The following DLC1 variants were observed in gnomAD, a reference collection of about 807,000 sequenced individuals.
The protein encoded by DLC1 is rho GTPase-activating protein 7.
A neutral mutation model predicts 140.3 loss-of-function variants in DLC1; 54 were observed. The observed-to-expected ratio is 0.38, with a 90% CI of 0.31 to 0.48. The LOEUF (loss-of-function observed/expected upper bound fraction) is 0.48. Among genes scored for constraint, DLC1 ranks in the 20% least tolerant of loss-of-function variants. DLC1 has a pLI of 0.96. For missense variants in DLC1, 2,536 were observed against 1,907.0 expected (o/e 1.33, Z -6.14); for synonymous variants, 986 against 728.1 (o/e 1.35, Z -5.70).
intron 2 of DLC1, among the ~76,000 whole-genome samples, chr8:13,464,813 G>C (rs1241926373): frequency 1.4e-5 from 2 of 141,684 alleles, no homozygotes; most frequent in Admixed American, 1.4e-4. Context: ...TAAGGTTTTA[G>C]TTAGTGCTGT....
At chr8:13,203,820 A>G (rs924061816) in intron 5 of DLC1, among the ~76,000 whole-genome samples, 4 of 152,222 alleles carry the variant, frequency 2.6e-5, no homozygotes, top group Non-Finnish European at 5.9e-5. Flanking sequence ...AATGGATGGA[A>G]AATACCATGA....
intron 2 of DLC1, among the ~76,000 whole-genome samples, chr8:13,450,300 T>A (rs1449267555): frequency 6.6e-6 from 1 of 150,946 alleles, no homozygotes; most frequent in East Asian, 2.0e-4. Flanking sequence ...ACTAAAAATA[T>A]AAAAATTAGC....
chr8:13,528,470 T>C (rs1802990121), intron 1 of DLC1, among the ~76,000 whole-genome samples: 1 of 152,180 alleles, frequency 6.6e-6, no homozygotes, highest in Admixed American at 6.6e-5. Flanking sequence ...TTGAAAGAGT[T>C]TGTAAAACAT....
intron 5 of DLC1, among the ~76,000 whole-genome samples, chr8:13,153,818 T>G (rs1410087892): frequency 2.0e-5 from 3 of 152,122 alleles, no homozygotes; most frequent in African/African-American, 7.2e-5. Flanking sequence ...CACAGAGTGC[T>G]GATTGGTGTG....
chr8:13,173,036 G>C (rs1307438742), intron 5 of DLC1, among the ~76,000 whole-genome samples: 1 of 152,200 alleles, frequency 6.6e-6, no homozygotes. Flanking sequence ...TCCTGGCACA[G>C]TTAGGATGAC....
At chr8:13,315,099 T>G (rs2117567599) in intron 4 of DLC1, among the ~76,000 whole-genome samples, 1 of 152,214 alleles carries the variant, frequency 6.6e-6, no homozygotes, top group African/African-American at 2.4e-5. Flanking sequence ...AGGAAGAAGT[T>G]TATGACACTG....
intron 15 of DLC1, among the ~76,000 whole-genome samples, chr8:13,089,023 C>A (rs971192454): frequency 1.3e-5 from 2 of 152,020 alleles, no homozygotes; most frequent in Admixed American, 6.6e-5. Flanking sequence ...CTTTGGGAAG[C>A]CGAGGCGGGT....
At position 13,589,589 on chromosome 8, in the gene DLC1, C is replaced by A. The variant is rs532908316; in HGVS notation, c.-126+14948G>T. ...AATTTGCAATTATCTTATTTAATGA[C>A]CTTGAGGATGTTTTTTCATGTTGCT... On this transcript the variant is annotated intron_variant, in intron 1 of 1. Coordinates refer to the DLC1 transcript ENST00000631382. 1.4e-4 allele frequency among the ~76,000 whole-genome samples: 22 copies of A among 151,934 alleles called. 1 individual carries two copies. Among genetic ancestry groups the A allele is most frequent in the African/African-American group, 5.1e-4 (21 of 41,504 alleles).
intron 5 of DLC1, among the ~76,000 whole-genome samples, chr8:13,221,636 G>T (rs1478694716): frequency 6.7e-6 from 1 of 149,826 alleles, no homozygotes; most frequent in South Asian, 2.1e-4. Context: ...CTCCCAAAGT[G>T]CTGGGATTAC....
chr8:13,294,995 C>T (rs1486647565), intron 5 of DLC1, among the ~76,000 whole-genome samples: 1 of 152,190 alleles, frequency 6.6e-6, no homozygotes, highest in African/African-American at 2.4e-5. Context: ...GTTATTCATT[C>T]CACAAACTTC....
At chr8:13,148,716 A>G (rs1823604575) in intron 5 of DLC1, among the ~76,000 whole-genome samples, 1 of 152,086 alleles carries the variant, frequency 6.6e-6, no homozygotes, top group African/African-American at 2.4e-5. Flanking sequence ...CTTAGGCTCT[A>G]TGCTCTCCCT....
At chr8:13,601,860 T>C (rs1289575947) in intron 1 of DLC1, among the ~76,000 whole-genome samples, 4 of 151,860 alleles carry the variant, frequency 2.6e-5, no homozygotes, top group Non-Finnish European at 2.9e-5. Context: ...ATAACCCAGA[T>C]GCAATATTTA....
At chr8:13,217,956 G>A (rs1032813212) in intron 5 of DLC1, among the ~76,000 whole-genome samples, 1 of 151,938 alleles carries the variant, frequency 6.6e-6, no homozygotes, top group Non-Finnish European at 1.5e-5. Context: ...GCTCACTCTG[G>A]GAACCATTTT....
chr8:13,383,491 A>C (rs1173321254), intron 4 of DLC1, among the ~76,000 whole-genome samples: 1 of 152,194 alleles, frequency 6.6e-6, no homozygotes, highest in African/African-American at 2.4e-5. Context: ...AACAGATGCT[A>C]TCTTTTGGGG....
intron 2 of DLC1, among the ~76,000 whole-genome samples, chr8:13,407,155 G>A (rs1554514661): frequency 6.6e-6 from 1 of 152,216 alleles, no homozygotes. Context: ...CCAAGCCCAT[G>A]GTGGTAAACT....
chr8:13,168,302 G>A (rs1043080791), intron 5 of DLC1, among the ~76,000 whole-genome samples: 3 of 152,008 alleles, frequency 2.0e-5, no homozygotes, highest in African/African-American at 7.2e-5. Context: ...TGAGAGGAAG[G>A]ACCAATATTT....
At chr8:13,312,056 G>C (rs563878009) in intron 4 of DLC1, among the ~76,000 whole-genome samples, 2 of 152,054 alleles carry the variant, frequency 1.3e-5, no homozygotes, top group Non-Finnish European at 2.9e-5. Flanking sequence ...ATTATTCTAA[G>C]TTTTTTTAAA....
chr8:13,233,292 A>T (rs1829132177), intron 5 of DLC1, among the ~76,000 whole-genome samples: 1 of 49,658 alleles, frequency 2.0e-5, no homozygotes, highest in South Asian at 7.8e-4. Context: ...AAGACTCTGT[A>T]TAAAAAAAAA....
intron 5 of DLC1, among the ~76,000 whole-genome samples, chr8:13,268,306 C>T (rs1240059280): frequency 6.6e-6 from 1 of 152,174 alleles, no homozygotes; most frequent in Non-Finnish European, 1.5e-5. Context: ...AAGGATGATG[C>T]ACTAACTTGC....
Sources: gnomAD v4.1 joint callset for allele counts (sites outside exome capture counted in the v4.1 genomes callset) on GRCh38, gnomAD v4.1.1 for gene constraint, MANE v1.5 for transcripts, NCBI Gene and HGNC (gene_info 2026-07-23, HGNC 2026-07-21) for gene names.